Variants in LDB2 observed in about 807,000 individuals in gnomAD.
The protein encoded by LDB2 is LIM domain-binding protein 2.
In LDB2, 12 loss-of-function variants were observed where a neutral mutation model predicts 44.3. The observed-to-expected ratio is 0.27, with a 90% CI of 0.17 to 0.44. The LOEUF (loss-of-function observed/expected upper bound fraction) is 0.44. Ranked by LOEUF, LDB2 falls within the 20% of genes least tolerant of loss-of-function variation. LDB2 has a pLI of 1.00. For missense variants in LDB2, 344 were observed against 473.5 expected, an observed-to-expected ratio of 0.73 and a Z score of 2.54; for synonymous variants, 164 against 174.8, an observed-to-expected ratio of 0.94 and a Z score of 0.49.
chr4:16,512,990 G>C (rs757410841), intron 5 of LDB2, among the ~76,000 whole-genome samples: 3 of 152,202 alleles, frequency 2.0e-5, no homozygotes, highest in Non-Finnish European at 4.4e-5. Context: ...ATTTGGAATT[G>C]CACATTAATC....
chr4:16,837,448 C>T (rs140545706), intron 1 of LDB2, among the ~76,000 whole-genome samples: 2,820 of 152,308 alleles, frequency 0.019, 97 homozygotes, highest in African/African-American at 0.065. Context: ...CATACCTTGG[C>T]ATAGTCTCTT....
intron 1 of LDB2, among the ~76,000 whole-genome samples, chr4:16,792,977 C>G (rs372703966): frequency 1.6e-4 from 24 of 152,294 alleles, no homozygotes; most frequent in African/African-American, 5.5e-4. Flanking sequence ...CCTCTTCAAA[C>G]CCAAAAGAAA....
At chr4:16,828,553 A>G (rs2110027839) in intron 1 of LDB2, among the ~76,000 whole-genome samples, 1 of 152,344 alleles carries the variant, frequency 6.6e-6, no homozygotes, top group Admixed American at 6.5e-5. Context: ...GTGCTAGATT[A>G]CAAAATATTT....
At chr4:16,680,577 T>C (rs1321249949) in intron 2 of LDB2, among the ~76,000 whole-genome samples, 1 of 152,208 alleles carries the variant, frequency 6.6e-6, no homozygotes, top group East Asian at 1.9e-4. Context: ...TCCGTCTAGT[T>C]TAAAGATGAG....
intron 2 of LDB2, among the ~76,000 whole-genome samples, chr4:16,734,457 T>C (rs1761426494): frequency 6.6e-6 from 1 of 152,206 alleles, no homozygotes; most frequent in African/African-American, 2.4e-5. Context: ...TCAGAATTTG[T>C]TGTCATGAAT....
intron 1 of LDB2, among the ~76,000 whole-genome samples, chr4:16,790,624 G>C (rs150955732): frequency 1.3e-5 from 2 of 151,870 alleles, no homozygotes; most frequent in African/African-American, 4.8e-5. Flanking sequence ...TATCCTTGTC[G>C]TTAAGCAATG....
In LDB2 at chr4:16,742,765, A is replaced by C. The variant is rs1424730052; in HGVS notation, c.235+16393T>G. ...AGGTTCAAAACACAAGTCTCTTAAAAACCACAGAGTAGCAAGTTCTAGCCA... is the reference window on the plus strand; with the variant it reads ...AGGTTCAAAACACAAGTCTCTTAAACACCACAGAGTAGCAAGTTCTAGCCA... On this transcript the variant is annotated intron_variant, in intron 2 of 7. Transcript: ENST00000304523. Among the ~76,000 whole-genome samples, 3 of 152,140 alleles carry C rather than the reference A, an allele frequency of 2.0e-5. No individual in the cohort carries two copies. The East Asian group carries it at 5.8e-4, about 29-fold the overall frequency.
At position 16,503,508 on chromosome 4, in the gene LDB2, A is replaced by AAAAC. The variant is rs548811329; in HGVS notation, c.892-639_892-636dup. ...ATTAATTTAGGTAAAGTTTTCGATA[A>AAAAC]AAACAATGTTCACACTGATTTGACA... On this transcript the variant is annotated intron_variant, in intron 7 of 7. Transcript: ENST00000304523. Among the ~76,000 whole-genome samples, 23 of 152,308 alleles carry AAAAC rather than the reference A, an allele frequency of 1.5e-4. No individual in the cohort carries two copies. The East Asian group carries it at 4.2e-3, about 28-fold the overall frequency.
chr4:16,856,217 C>A (rs1789324024), intron 1 of LDB2, among the ~76,000 whole-genome samples: 1 of 152,102 alleles, frequency 6.6e-6, no homozygotes, highest in Non-Finnish European at 1.5e-5. Flanking sequence ...CTTTGGAGTG[C>A]TCAAAATTTT....
At chr4:16,775,928 G>C (rs1771788299) in intron 1 of LDB2, among the ~76,000 whole-genome samples, 2 of 152,144 alleles carry the variant, frequency 1.3e-5, no homozygotes. Context: ...CATTGTTCAG[G>C]CTAATTTGCA....
At chr4:16,772,773 A>G (rs901271324) in intron 1 of LDB2, among the ~76,000 whole-genome samples, 1 of 152,242 alleles carries the variant, frequency 6.6e-6, no homozygotes, top group Non-Finnish European at 1.5e-5. Context: ...CCTACAATAG[A>G]GAAATGATTC....
intron 6 of LDB2, among the ~76,000 whole-genome samples, chr4:16,509,933 T>C (rs1721041995): frequency 1.3e-5 from 2 of 152,154 alleles, no homozygotes; most frequent in South Asian, 2.1e-4. Context: ...TTGGGCAACA[T>C]GGTGAACCCC....
At chr4:16,778,536 T>C (rs1460514102) in intron 1 of LDB2, among the ~76,000 whole-genome samples, 1 of 152,196 alleles carries the variant, frequency 6.6e-6, no homozygotes, top group Non-Finnish European at 1.5e-5. Context: ...TGTTTTTATG[T>C]CTGTCTTCCC....
intron 2 of LDB2, among the ~76,000 whole-genome samples, chr4:16,615,583 C>T (rs1312824888): frequency 6.6e-6 from 1 of 151,940 alleles, no homozygotes; most frequent in Non-Finnish European, 1.5e-5. Context: ...GAGAAGGGAA[C>T]AACACACACC....
At chr4:16,867,490 C>T (rs1715096882) in intron 1 of LDB2, among the ~76,000 whole-genome samples, 1 of 152,066 alleles carries the variant, frequency 6.6e-6, no homozygotes, top group African/African-American at 2.4e-5. Context: ...GGTTATAGAA[C>T]ATTATAAATG....
At chr4:16,609,721 C>T (rs532850520) in intron 2 of LDB2, among the ~76,000 whole-genome samples, 50 of 152,282 alleles carry the variant, frequency 3.3e-4, no homozygotes, top group African/African-American at 1.2e-3. Flanking sequence ...AGCCCCTAGG[C>T]GGAGGGGGAG....
intron 1 of LDB2, among the ~76,000 whole-genome samples, chr4:16,886,261 T>C (rs916379446): frequency 1.3e-5 from 2 of 152,140 alleles, no homozygotes; most frequent in East Asian, 3.9e-4. Context: ...TCTCAAATCA[T>C]GGTACAATGG....
In LDB2 at chr4:16,585,943, GT is replaced by G; in HGVS notation, c.593del (p.Asn198ThrfsTer11). On this transcript the variant is annotated frameshift_variant, in exon 5 of 8. Coordinates refer to ENST00000304523, the MANE Select transcript of LDB2 (RefSeq NM_001290.5). LOFTEE classifies it high-confidence loss of function. Reference protein sequence around the residue: ...SKNITRMGLTNFTLNYLRLCV... With the variant: ...SKNITRMGLTXFTLNYLRLCV... Reference sequence around the variant, plus strand: ...TTACCCTGAGGTAGTTGAGGGTGAAGTTTGTTAGCCCCATCCTGGTGATGTT... The same window carrying G: ...TTACCCTGAGGTAGTTGAGGGTGAAGTTGTTAGCCCCATCCTGGTGATGTT... 6.2e-7 allele frequency: 1 copy of G among 1,613,592 alleles called. No homozygotes were observed. The highest frequency in any genetic ancestry group is 8.5e-7 in the Non-Finnish European group (1 of 1,179,596).
intron 2 of LDB2, among the ~76,000 whole-genome samples, chr4:16,648,138 T>C (rs1386528196): frequency 6.6e-6 from 1 of 152,202 alleles, no homozygotes; most frequent in East Asian, 1.9e-4. Context: ...CTGATTTCAA[T>C]TGCTCTCCAC....
Sources: allele counts gnomAD v4.1 joint callset (sites outside exome capture counted in the v4.1 genomes callset), GRCh38; gene constraint gnomAD v4.1.1; transcripts MANE v1.5; gene names NCBI Gene and HGNC (gene_info 2026-07-23, HGNC 2026-07-21).